The following UBL3 variants were observed in gnomAD, a reference collection of about 807,000 sequenced individuals.
UBL3 encodes the protein ubiquitin like 3.
UBL3 carries 6 observed loss-of-function variants against 18.4 expected under a neutral mutation model. The observed-to-expected ratio is 0.33, with a 90% CI of 0.18 to 0.64. The LOEUF is 0.64. Ranked by LOEUF, UBL3 falls within the 30% of genes least tolerant of loss-of-function variation. UBL3 has a pLI of 0.76. For synonymous variants in UBL3, 49 were observed against 46.6 expected (o/e 1.05, Z -0.21); for missense variants, 109 against 142.9 (o/e 0.76, Z 1.21).
intron 1 of UBL3, among the ~76,000 whole-genome samples, chr13:29,785,186 A>G (rs1342285545): frequency 6.6e-6 from 1 of 152,188 alleles, no homozygotes; most frequent in African/African-American, 2.4e-5. Context: ...AATTACAGGC[A>G]TGAGCCTCCA....
At chr13:29,813,971 G>A (rs1247940483) in intron 1 of UBL3, among the ~76,000 whole-genome samples, 1 of 152,078 alleles carries the variant, frequency 6.6e-6, no homozygotes, top group Non-Finnish European at 1.5e-5. Flanking sequence ...TAGTGACACT[G>A]TTCTGGTTAT....
intron 1 of UBL3, among the ~76,000 whole-genome samples, chr13:29,813,292 C>G (rs115889632): frequency 2.3e-4 from 35 of 152,168 alleles, no homozygotes; most frequent in African/African-American, 8.2e-4. Flanking sequence ...GCTTCTCCAG[C>G]TAGCCCAATC....
At chr13:29,827,421 C>T (rs1878651645) in intron 1 of UBL3, among the ~76,000 whole-genome samples, 1 of 152,078 alleles carries the variant, frequency 6.6e-6, no homozygotes, top group Admixed American at 6.5e-5. Context: ...TGAATTGATC[C>T]CTTTACCATT....
At chr13:29,781,592 C>G (rs181776770) in intron 1 of UBL3, among the ~76,000 whole-genome samples, 2 of 151,698 alleles carry the variant, frequency 1.3e-5, no homozygotes, top group African/African-American at 4.8e-5. Context: ...GGTGGGGGAA[C>G]GCTGATAATA....
At chr13:29,841,260 ATCTCTC>A (rs10531958) in intron 1 of UBL3, among the ~76,000 whole-genome samples, 208 of 148,588 alleles carry the variant, frequency 1.4e-3, no homozygotes, top group Middle Eastern at 3.4e-3. Flanking sequence ...CCAATAGAGA[ATCTCTC>A]TCTCTCTCTC....
intron 1 of UBL3, among the ~76,000 whole-genome samples, chr13:29,780,129 A>T (rs542371821): frequency 1.3e-5 from 2 of 151,690 alleles, no homozygotes; most frequent in African/African-American, 4.8e-5. Flanking sequence ...CCAAGGCGGG[A>T]GGATCACAAG....
chr13:29,813,563 AC>A (rs1231061820), intron 1 of UBL3, among the ~76,000 whole-genome samples: 1 of 152,132 alleles, frequency 6.6e-6, no homozygotes, highest in Non-Finnish European at 1.5e-5. Context: ...AAACAATGCA[AC>A]AATTAAAAAT....
intron 1 of UBL3, among the ~76,000 whole-genome samples, chr13:29,785,896 C>T (rs556244467): frequency 1.4e-3 from 217 of 152,042 alleles, no homozygotes; most frequent in Non-Finnish European, 2.4e-3. Context: ...ATTTGCTGGA[C>T]GAATTTTAAA....
chr13:29,803,098 T>C (rs903052409), intron 1 of UBL3, among the ~76,000 whole-genome samples: 8 of 152,148 alleles, frequency 5.3e-5, no homozygotes, highest in Non-Finnish European at 8.8e-5. Flanking sequence ...TATACAAATA[T>C]ATTCAGCATT....
At chr13:29,801,020 C>T (rs1347732750) in intron 1 of UBL3, among the ~76,000 whole-genome samples, 4 of 152,176 alleles carry the variant, frequency 2.6e-5, no homozygotes, top group Non-Finnish European at 4.4e-5. Flanking sequence ...CCAGCACATC[C>T]ACCCTGCCCC....
At chr13:29,792,998 A>G (rs1042935168) in intron 1 of UBL3, among the ~76,000 whole-genome samples, 7 of 152,234 alleles carry the variant, frequency 4.6e-5, no homozygotes, top group African/African-American at 1.7e-4. Flanking sequence ...TGTTTGTTTT[A>G]AAAAGCAGAA....
intron 1 of UBL3, among the ~76,000 whole-genome samples, chr13:29,828,727 A>C (rs769620064): frequency 1.7e-4 from 26 of 152,162 alleles, no homozygotes; most frequent in Non-Finnish European, 2.8e-4. Context: ...GAGGAGCTGC[A>C]TTGTTTGGAG....
chr13:29,773,337 C>A (rs1379993712), intron 2 of UBL3, among the ~76,000 whole-genome samples: 1 of 152,166 alleles, frequency 6.6e-6, no homozygotes, highest in Non-Finnish European at 1.5e-5. Context: ...TCTCTTCCCT[C>A]TTCTGTCTCC....
intron 1 of UBL3, among the ~76,000 whole-genome samples, chr13:29,793,472 A>G (rs549487847): frequency 1.1e-4 from 17 of 152,280 alleles, no homozygotes; most frequent in African/African-American, 3.8e-4. Context: ...ATTCCAAATA[A>G]ATTGGTATAG....
At chr13:29,793,239 G>T (rs189137908) in intron 1 of UBL3, among the ~76,000 whole-genome samples, 202 of 152,238 alleles carry the variant, frequency 1.3e-3, no homozygotes, top group African/African-American at 4.5e-3. Context: ...CTAACAGACA[G>T]CAGAAATAAT....
chr13:29,777,378 T>C, intron 1 of UBL3, 115 bp from the exon 2 acceptor site: 1 of 802,610 alleles, frequency 1.2e-6, no homozygotes, highest in Non-Finnish European at 2.0e-6. Context: ...TGCCATATTG[T>C]GGTTTTTATT....
At chr13:29,777,607 CA>C in intron 1 of UBL3, 1 of 253,098 alleles carries the variant, frequency 4.0e-6, no homozygotes, top group Non-Finnish European at 8.1e-6. Flanking sequence ...CATTTTTACC[CA>C]AAAATTAATA....
chr13:29,821,286 G>A (rs114784586), intron 1 of UBL3, among the ~76,000 whole-genome samples: 2,142 of 152,218 alleles, frequency 0.014, 44 homozygotes, highest in African/African-American at 0.049. Flanking sequence ...TTATATATGT[G>A]TTTGATTTAT....
In UBL3 at chr13:29,849,611, T is replaced by C; in HGVS notation, c.-73A>G. Reference sequence around the variant, plus strand: ...GAAAAAAGAGCAGAAGTCTTCACGTTACAGAAATAAACCACGATTTTGACT... The same window carrying C: ...GAAAAAAGAGCAGAAGTCTTCACGTCACAGAAATAAACCACGATTTTGACT... On this transcript the variant is annotated 5_prime_UTR_variant, in exon 1 of 5. Coordinates refer to ENST00000380680, the MANE Select transcript of UBL3 (RefSeq NM_007106.4). 1 of 1,588,310 alleles carries C rather than the reference T, an allele frequency of 6.3e-7. No homozygotes were observed. The highest frequency in any genetic ancestry group is 2.2e-5 in the East Asian group (1 of 44,768).
Sources: gnomAD v4.1 joint callset for allele counts (sites outside exome capture counted in the v4.1 genomes callset) on GRCh38, gnomAD v4.1.1 for gene constraint, MANE v1.5 for transcripts, NCBI Gene and HGNC (gene_info 2026-07-23, HGNC 2026-07-21) for gene names.